The following ZSCAN25 variants were observed in gnomAD, a reference collection of about 807,000 sequenced individuals.
ZSCAN25 encodes zinc finger and SCAN domain-containing protein 25.
ZSCAN25 carries 27 observed loss-of-function variants against 38.7 expected under a neutral mutation model. The observed-to-expected ratio is 0.70, with a 90% CI of 0.51 to 0.96. ZSCAN25 has a LOEUF of 0.96. Among genes scored for constraint, ZSCAN25 ranks in the 40% least tolerant of loss-of-function variants. The pLI, the probability that ZSCAN25 is intolerant of heterozygous loss-of-function variation, is 0.00. For missense variants in ZSCAN25, 637 were observed against 705.9 expected, an observed-to-expected ratio of 0.90 and a Z score of 1.11; for synonymous variants, 273 against 277.7, an observed-to-expected ratio of 0.98 and a Z score of 0.17.
the ZSCAN25 span, among the ~76,000 whole-genome samples, chr7:99,714,149 T>C: frequency 6.6e-6 from 1 of 152,198 alleles, no homozygotes; most frequent in Non-Finnish European, 1.5e-5. Flanking sequence ...TTGGAGAATG[T>C]GTAAAATAAT....
chr7:99,694,866 G>A, the ZSCAN25 span, among the ~76,000 whole-genome samples: 7 of 152,000 alleles, frequency 4.6e-5, no homozygotes, highest in African/African-American at 1.7e-4. Context: ...ACAAAGGCTC[G>A]ACCAAAGTTC....
At chr7:99,675,156 C>G in the ZSCAN25 span, among the ~76,000 whole-genome samples, 1 of 152,202 alleles carries the variant, frequency 6.6e-6, no homozygotes, top group East Asian at 1.9e-4. Flanking sequence ...GACTTCCTTT[C>G]CAGTTTTCTA....
chr7:99,679,875 C>T, the ZSCAN25 span: 1 of 1,614,086 alleles, frequency 6.2e-7, no homozygotes, highest in Admixed American at 1.7e-5. Context: ...GTTTCCACCG[C>T]CAAATTTGGG....
the ZSCAN25 span, among the ~76,000 whole-genome samples, chr7:99,711,181 T>G: frequency 2.6e-5 from 4 of 152,186 alleles, no homozygotes; most frequent in Admixed American, 2.6e-4. Context: ...GAGAGAACAT[T>G]TCTGCATAAC....
rs1195731528 is a variant in ZSCAN25, at chr7:99,632,028, G to A, written c.*2008G>A. The A allele has an allele frequency of 2.8e-5, 28 of 985,348 alleles. No homozygotes were observed. The highest frequency in any genetic ancestry group is 8.7e-5 in the African/African-American group (5 of 57,218). The allele number at this position is 985,348 out of a possible 1,614,324, so 61.0% of individuals were successfully genotyped here. ...GGCAGGTGGGGACTGGGGAGGCCTC[G>A]GGGGGCTGCTTGTCATTACCTGAAT... is the stretch of plus-strand genomic sequence containing the variant. On this transcript the variant is annotated 3_prime_UTR_variant, in exon 8 of 8. Coordinates refer to ENST00000394152, the MANE Select transcript of ZSCAN25 (RefSeq NM_145115.3).
At chr7:99,737,144 A>AG in the ZSCAN25 span, among the ~76,000 whole-genome samples, 24 of 152,288 alleles carry the variant, frequency 1.6e-4, no homozygotes, top group African/African-American at 5.3e-4. Flanking sequence ...CACATTAAAT[A>AG]GGGCCATGCT....
At chr7:99,648,009 A>T in the ZSCAN25 span, 6 of 985,322 alleles carry the variant, frequency 6.1e-6, no homozygotes, top group Non-Finnish European at 7.2e-6. Flanking sequence ...CTCTGATGAG[A>T]GCTCAGGAGG....
chr7:99,629,928 C>T lies in ZSCAN25; in HGVS notation c.1543C>T (p.His515Tyr), dbSNP rs1227932184. The T allele has an allele frequency of 1.9e-6, 3 of 1,614,124 alleles. No individual in the cohort carries two copies. The highest frequency in any genetic ancestry group is 1.1e-5 in the South Asian group (1 of 91,080). Residue 515 changes from histidine to tyrosine, a missense_variant, in exon 8 of 8, where the codon CAC (histidine) becomes TAC (tyrosine). His to Tyr is a moderately conservative substitution (Grantham distance 83). Transcript: ENST00000394152. This position sits in a 1 kb window ranked among gnomAD's most constrained non-coding sequence, Gnocchi z 5.6. ...QRIHTGEKPYHCPACGRSFNQ... is the reference protein window; with the variant it reads ...QRIHTGEKPYYCPACGRSFNQ... ...AATCCATACAGGGGAGAAGCCCTAC[C>T]ACTGTCCTGCCTGCGGGCGAAGCTT...
the ZSCAN25 span, among the ~76,000 whole-genome samples, chr7:99,732,233 C>T: frequency 2.0e-5 from 3 of 152,152 alleles, no homozygotes; most frequent in Non-Finnish European, 4.4e-5. Context: ...TGCTTCTGCT[C>T]CAGTCATGTA....
the ZSCAN25 span, among the ~76,000 whole-genome samples, chr7:99,684,082 A>T: frequency 4.6e-5 from 7 of 152,216 alleles, no homozygotes; most frequent in East Asian, 3.9e-4. Flanking sequence ...ATCAGGGGAG[A>T]TGGTTTGAAA....
the ZSCAN25 span, among the ~76,000 whole-genome samples, chr7:99,689,763 AG>A: frequency 6.6e-6 from 1 of 152,250 alleles, no homozygotes; most frequent in Admixed American, 6.5e-5. Flanking sequence ...GACCTCTTCA[AG>A]GAGAATTACA....
At chr7:99,731,267 A>G in the ZSCAN25 span, 4 of 1,172,648 alleles carry the variant, frequency 3.4e-6, no homozygotes, top group Non-Finnish European at 3.7e-6. Flanking sequence ...ACATTAAGGC[A>G]ATAAAAAATA....
At chr7:99,623,538 A>G (rs558140719) in intron 6 of ZSCAN25, among the ~76,000 whole-genome samples, 6 of 152,194 alleles carry the variant, frequency 3.9e-5, no homozygotes, top group Non-Finnish European at 8.8e-5. Flanking sequence ...AAAGAAGGGG[A>G]TCAAGTCTGG....
chr7:99,690,580 G>T, the ZSCAN25 span, among the ~76,000 whole-genome samples: 1 of 152,052 alleles, frequency 6.6e-6, no homozygotes, highest in Non-Finnish European at 1.5e-5. Context: ...AATCTACAAT[G>T]ATCTCAAACA....
downstream of ZSCAN25, among the ~76,000 whole-genome samples, chr7:99,633,897 A>G (rs1487744368): frequency 6.6e-6 from 1 of 152,206 alleles, no homozygotes; most frequent in African/African-American, 2.4e-5. Context: ...TTCTGGCATG[A>G]CAAGATGTTC....
At chr7:99,638,653 G>A in the ZSCAN25 span, 27 of 1,577,236 alleles carry the variant, frequency 1.7e-5, no homozygotes, top group African/African-American at 9.4e-5. Flanking sequence ...TGTGGTCACC[G>A]ACTGGCCCAG....
the ZSCAN25 span, among the ~76,000 whole-genome samples, chr7:99,721,951 A>C: frequency 6.6e-6 from 1 of 152,228 alleles, no homozygotes; most frequent in South Asian, 2.1e-4. Context: ...CCTGCCCAGC[A>C]ACTGCCTGTC....
the ZSCAN25 span, among the ~76,000 whole-genome samples, chr7:99,645,331 T>A: frequency 6.6e-6 from 1 of 152,334 alleles, no homozygotes; most frequent in East Asian, 1.9e-4. Context: ...CCATGGTGTA[T>A]ATGTACCACA....
Position 99,624,192 on chromosome 7 carries a change from T to G in ZSCAN25, c.805+12T>G. 1 of 1,613,196 alleles carries G rather than the reference T, an allele frequency of 6.2e-7. No homozygotes were observed. Among genetic ancestry groups the G allele is most frequent in the Non-Finnish European group, 8.5e-7 (1 of 1,179,852 alleles). ...CAGGGTCTCTCCAGGTAAGACTGTC[T>G]CCACCCACAGGTGAGGAACTGGGGA... On this transcript the variant is annotated intron_variant, in intron 7 of 7. Coordinates refer to ENST00000394152, the MANE Select transcript of ZSCAN25 (RefSeq NM_145115.3).
Sources: allele counts gnomAD v4.1 joint callset (sites outside exome capture counted in the v4.1 genomes callset), GRCh38; gene constraint gnomAD v4.1.1; non-coding constraint Gnocchi (gnomAD v3.1); transcripts MANE v1.5; gene names NCBI Gene and HGNC (gene_info 2026-07-23, HGNC 2026-07-21).